The following LMBRD1 variants were observed in gnomAD, a reference collection of about 807,000 sequenced individuals.
LMBRD1 encodes the protein LMBR1 domain containing 1.
LMBRD1 carries 64 observed loss-of-function variants against 74.8 expected under a neutral mutation model. The ratio of observed to expected loss-of-function variants is 0.86; its 90% CI spans 0.70 to 1.05. The LOEUF (loss-of-function observed/expected upper bound fraction) is 1.05, where lower values mean the gene tolerates loss of function less well. LMBRD1 is among the 50% of genes least tolerant of loss of function. The pLI, the probability that LMBRD1 is intolerant of heterozygous loss-of-function variation, is 0.00. For missense variants in LMBRD1, 652 were observed against 645.9 expected, an observed-to-expected ratio of 1.01 and a Z score of -0.10; for synonymous variants, 204 against 216.3, an observed-to-expected ratio of 0.94 and a Z score of 0.50.
chr6:69,740,375 T>C (rs190556057), intron 6 of LMBRD1, among the ~76,000 whole-genome samples: 20 of 152,316 alleles, frequency 1.3e-4, no homozygotes, highest in Admixed American at 5.9e-4. Flanking sequence ...ATTCAAGTTA[T>C]ACTAATACTC....
At chr6:69,709,904 G>A (rs753010066) in intron 9 of LMBRD1, among the ~76,000 whole-genome samples, 24 of 152,046 alleles carry the variant, frequency 1.6e-4, no homozygotes, top group Non-Finnish European at 2.8e-4. Flanking sequence ...TAAATAAATA[G>A]ATATCATGTT....
intron 14 of LMBRD1, among the ~76,000 whole-genome samples, chr6:69,679,083 C>A (rs1432567731): frequency 6.7e-6 from 1 of 149,962 alleles, no homozygotes; most frequent in Non-Finnish European, 1.5e-5. Flanking sequence ...AAAAAAATCA[C>A]ACAGTTTAAT....
chr6:69,725,864 C>A (rs1384454027), intron 7 of LMBRD1, among the ~76,000 whole-genome samples: 1 of 151,996 alleles, frequency 6.6e-6, no homozygotes, highest in Non-Finnish European at 1.5e-5. Flanking sequence ...GTACAGGCAA[C>A]CAAAGCAAAA....
At chr6:69,750,670 A>C (rs990842455) in intron 4 of LMBRD1, among the ~76,000 whole-genome samples, 1 of 152,162 alleles carries the variant, frequency 6.6e-6, no homozygotes, top group African/African-American at 2.4e-5. Context: ...GGGTAGAAGA[A>C]TGTGCACTTT....
At chr6:69,739,226 T>C (rs973392071) in intron 6 of LMBRD1, among the ~76,000 whole-genome samples, 19 of 152,274 alleles carry the variant, frequency 1.2e-4, no homozygotes, top group African/African-American at 4.1e-4. Flanking sequence ...AAAATAGACA[T>C]GCTGACATAT....
At chr6:69,771,349 TA>T (rs1287069246) in intron 3 of LMBRD1, among the ~76,000 whole-genome samples, 15 of 152,308 alleles carry the variant, frequency 9.8e-5, no homozygotes, top group South Asian at 2.1e-4. Flanking sequence ...GGCCTCTCCA[TA>T]AGGCAGTACA....
intron 4 of LMBRD1, among the ~76,000 whole-genome samples, chr6:69,751,965 G>C (rs1202396169): frequency 7.7e-6 from 1 of 129,268 alleles, no homozygotes; most frequent in Non-Finnish European, 1.8e-5. Flanking sequence ...AATGTGGCTA[G>C]CTTGATTGTT....
chr6:69,674,967 C>T lies in LMBRD1; in HGVS notation c.*1191G>A, dbSNP rs2149831562. 6.6e-6 allele frequency among the ~76,000 whole-genome samples: 1 copy of T among 151,734 alleles called. No homozygotes were observed. Among genetic ancestry groups the T allele is most frequent in the South Asian group, 2.1e-4 (1 of 4,810 alleles). On this transcript the variant is annotated 3_prime_UTR_variant, in exon 16 of 16. Transcript: ENST00000649934. ...CAGCCTGGGCGACAAGAGTGAAACTCCATCTTAAAAAAAAAGAAAAAAGAA... is the reference window on the plus strand; with the variant it reads ...CAGCCTGGGCGACAAGAGTGAAACTTCATCTTAAAAAAAAAGAAAAAAGAA...
chr6:69,740,236 A>G (rs1482837904), intron 6 of LMBRD1, among the ~76,000 whole-genome samples: 2 of 152,218 alleles, frequency 1.3e-5, no homozygotes, highest in Non-Finnish European at 2.9e-5. Context: ...TTGGACTTAG[A>G]CAGCTCATCT....
intron 7 of LMBRD1, among the ~76,000 whole-genome samples, chr6:69,734,193 C>T (rs745392472): frequency 9.2e-5 from 14 of 152,160 alleles, no homozygotes; most frequent in Non-Finnish European, 1.8e-4. Context: ...CTCCCTTGGC[C>T]TTAGGCCTTA....
At position 69,796,915 on chromosome 6, in the gene LMBRD1, G is replaced by C. The variant is rs777393586; in HGVS notation, c.-34C>G. 1.9e-6 allele frequency: 3 copies of C among 1,604,348 alleles called. No homozygotes were observed. The Admixed American group carries it at 5.0e-5, about 27-fold the overall frequency. Reference sequence around the variant, plus strand: ...CCGGTCCAGACCAACCTGAGCGCCCGGGGTGGGGAAAGGGGAGGGGGAAAG... The same window carrying C: ...CCGGTCCAGACCAACCTGAGCGCCCCGGGTGGGGAAAGGGGAGGGGGAAAG... On this transcript the variant is annotated 5_prime_UTR_variant, in exon 1 of 16. Coordinates refer to ENST00000649934, the MANE Select transcript of LMBRD1 (RefSeq NM_018368.4).
intron 3 of LMBRD1, among the ~76,000 whole-genome samples, chr6:69,763,198 T>C (rs1423398083): frequency 1.3e-5 from 2 of 150,766 alleles, no homozygotes; most frequent in South Asian, 4.2e-4. Flanking sequence ...AGAAGTGGCT[T>C]GATTCCTCCT....
chr6:69,755,733 A>C (rs1204767367), intron 3 of LMBRD1, among the ~76,000 whole-genome samples: 1 of 152,226 alleles, frequency 6.6e-6, no homozygotes, highest in Non-Finnish European at 1.5e-5. Flanking sequence ...AACTAGAAAA[A>C]AAAGTGAATT....
intron 3 of LMBRD1, among the ~76,000 whole-genome samples, chr6:69,776,209 G>A (rs1303802204): frequency 6.6e-6 from 1 of 152,122 alleles, no homozygotes; most frequent in Non-Finnish European, 1.5e-5. Flanking sequence ...AGTGCAAATG[G>A]GCCAATAGAT....
At chr6:69,743,582 C>A (rs1767153928) in intron 5 of LMBRD1, among the ~76,000 whole-genome samples, 1 of 152,178 alleles carries the variant, frequency 6.6e-6, no homozygotes, top group South Asian at 2.1e-4. Context: ...ACTTTGAAAG[C>A]ATCCATCAGA....
chr6:69,685,582 C>T (rs2149836919), intron 14 of LMBRD1, among the ~76,000 whole-genome samples: 1 of 152,210 alleles, frequency 6.6e-6, no homozygotes, highest in South Asian at 2.1e-4. Context: ...GGGCAGATCA[C>T]CTGAGGTCAG....
At chr6:69,737,880 T>G in intron 7 of LMBRD1, 62 bp downstream of exon 7, 2 of 1,018,896 alleles carry the variant, frequency 2.0e-6, no homozygotes, top group Admixed American at 3.7e-5. Flanking sequence ...TTTAATAAAT[T>G]ACTAAGGTAA....
chr6:69,696,130 C>T (rs1765992060), intron 14 of LMBRD1, among the ~76,000 whole-genome samples: 1 of 152,178 alleles, frequency 6.6e-6, no homozygotes, highest in Admixed American at 6.5e-5. Flanking sequence ...CAGCTGGTAA[C>T]ACCAAAATTA....
At chr6:69,779,352 T>A (rs1317207912) in intron 3 of LMBRD1, among the ~76,000 whole-genome samples, 2 of 152,194 alleles carry the variant, frequency 1.3e-5, no homozygotes, top group African/African-American at 4.8e-5. Flanking sequence ...ATTACACTTT[T>A]TTTTATAAAA....
Sources: allele counts gnomAD v4.1 joint callset (sites outside exome capture counted in the v4.1 genomes callset), GRCh38; gene constraint gnomAD v4.1.1; transcripts MANE v1.5; gene names NCBI Gene and HGNC (gene_info 2026-07-23, HGNC 2026-07-21).